Variants in MPDZ observed in about 807,000 individuals in gnomAD.
The protein encoded by MPDZ is multiple PDZ domain protein.
A neutral mutation model predicts 239.1 loss-of-function variants in MPDZ; 234 were observed. The ratio of observed to expected loss-of-function variants is 0.98; its 90% confidence interval spans 0.88 to 1.09. The LOEUF (loss-of-function observed/expected upper bound fraction) is 1.09. Ranked by LOEUF, MPDZ falls within the 50% of genes least tolerant of loss-of-function variation. The pLI is 0.00. For missense variants in MPDZ, 3,175 were observed against 2,510.0 expected, an observed-to-expected ratio of 1.26 and a Z score of -5.66; for synonymous variants, 1,048 against 881.3, an observed-to-expected ratio of 1.19 and a Z score of -3.35.
intron 6 of MPDZ, 150 bp from the exon 7 acceptor site, chr9:13,221,650 TA>T: frequency 4.1e-6 from 3 of 736,302 alleles, no homozygotes; most frequent in Non-Finnish European, 6.1e-6. Context: ...TTTCATTTGG[TA>T]TACTTCCCTT....
chr9:13,233,825 C>G (rs931330164), intron 3 of MPDZ, among the ~76,000 whole-genome samples: 1 of 152,108 alleles, frequency 6.6e-6, no homozygotes, highest in Non-Finnish European at 1.5e-5. Context: ...CAGACATTCA[C>G]CTTAAAATGA....
At chr9:13,192,412 C>G in intron 14 of MPDZ, 117 bp from the exon 15 acceptor site, 4 of 879,218 alleles carry the variant, frequency 4.5e-6, no homozygotes, top group South Asian at 1.9e-5. Context: ...GTTTACTGTG[C>G]TCAGAACTAT....
intron 45 of MPDZ, among the ~76,000 whole-genome samples, chr9:13,109,501 CCT>C (rs1390900121): frequency 5.3e-5 from 8 of 152,190 alleles, no homozygotes; most frequent in South Asian, 2.1e-4. Flanking sequence ...TTCTAATGCG[CCT>C]CTCTCTTCTC....
intron 7 of MPDZ, among the ~76,000 whole-genome samples, chr9:13,220,139 T>C (rs1192319317): frequency 6.6e-6 from 1 of 151,940 alleles, no homozygotes; most frequent in Non-Finnish European, 1.5e-5. Flanking sequence ...ACCATGCAAA[T>C]ATATATTACC....
At chr9:13,225,765 G>A (rs1252490873) in intron 3 of MPDZ, among the ~76,000 whole-genome samples, 3 of 151,988 alleles carry the variant, frequency 2.0e-5, no homozygotes, top group African/African-American at 7.3e-5. Flanking sequence ...ACCCTACGAT[G>A]TTTGCACAAG....
chr9:13,125,978 T>C (rs1563852521), intron 34 of MPDZ, among the ~76,000 whole-genome samples: 1 of 152,134 alleles, frequency 6.6e-6, no homozygotes, highest in Non-Finnish European at 1.5e-5. Context: ...TCTCTCACTA[T>C]AAGAAAGAAA....
intron 1 of MPDZ, among the ~76,000 whole-genome samples, chr9:13,262,247 G>C (rs1004382643): frequency 5.3e-5 from 8 of 151,820 alleles, no homozygotes; most frequent in African/African-American, 1.7e-4. Context: ...TGGATCGCTT[G>C]AGCCCAGTAG....
chr9:13,225,829 G>A lies in MPDZ; in HGVS notation c.184-1246C>T, dbSNP rs143104639. ...TACTCTATACATATTGTCACACATC[G>A]ATTCTGGGAGAGTTATACTTTCCCA... On this transcript the variant is annotated intron_variant, in intron 3 of 46. Coordinates refer to ENST00000319217, the MANE Select transcript of MPDZ (RefSeq NM_001378778.1). Among the ~76,000 whole-genome samples the A allele has an allele frequency of 1.5e-3, 221 of 152,032 alleles. 1 individual carries two copies. Among genetic ancestry groups the A allele is most frequent in the African/African-American group, 5.0e-3 (208 of 41,506 alleles).
Position 13,206,102 on chromosome 9 carries a change from G to A in MPDZ, c.1291-3C>T. Reference sequence around the variant, plus strand: ...CCCTGAAGGTTTGTGCCATCTACCTGTGATTAAAAAAAAAAAAAAGCATGT... The same window carrying A: ...CCCTGAAGGTTTGTGCCATCTACCTATGATTAAAAAAAAAAAAAAGCATGT... On this transcript the variant is annotated splice_region_variant and splice_polypyrimidine_tract_variant and intron_variant, in intron 10 of 46. Coordinates refer to ENST00000319217, the MANE Select transcript of MPDZ (RefSeq NM_001378778.1). 6.5e-7 allele frequency: 1 copy of A among 1,547,746 alleles called. No homozygotes were observed. The highest frequency in any genetic ancestry group is 2.2e-5 in the Admixed American group (1 of 46,382).
At chr9:13,178,177 T>C (rs1587549613) in intron 19 of MPDZ, among the ~76,000 whole-genome samples, 1 of 148,240 alleles carries the variant, frequency 6.7e-6, no homozygotes, top group South Asian at 2.1e-4. Flanking sequence ...GAGAATGGCG[T>C]GAATCCAGGA....
rs1381480214 is a variant in MPDZ, at chr9:13,186,374, C to T, written c.2377G>A (p.Glu793Lys). 8 of 1,574,230 alleles carry T rather than the reference C, an allele frequency of 5.1e-6. No homozygotes were observed. In the South Asian group the frequency reaches 9.3e-5, roughly 18 times the overall value. ...VAKPLPLSPE[E>K]GYVSAKEDSF... ...TCCTCCTTAGCAGAAACATAACCTT[C>T]TTCTGGTGAAAGCTGCAGGGAAAAA... Residue 793 changes from glutamate (E) to lysine (K), a missense_variant, in exon 18 of 47, where the codon GAA becomes AAA. Transcript: ENST00000319217.
At chr9:13,251,378 T>C (rs1564133977) in intron 1 of MPDZ, among the ~76,000 whole-genome samples, 2 of 152,148 alleles carry the variant, frequency 1.3e-5, no homozygotes, top group Non-Finnish European at 2.9e-5. Flanking sequence ...TCTCTAACAA[T>C]ACTTAACTAG....
At chr9:13,126,942 T>C (rs1020656501) in intron 32 of MPDZ, among the ~76,000 whole-genome samples, 170 bp from the exon 33 acceptor site, 1 of 152,230 alleles carries the variant, frequency 6.6e-6, no homozygotes, top group East Asian at 1.9e-4. Flanking sequence ...AAACAAACTT[T>C]CAAATTTTCC....
At chr9:13,192,345 AT>A in intron 14 of MPDZ, 50 bp from the exon 15 acceptor site, 1 of 1,475,568 alleles carries the variant, frequency 6.8e-7, no homozygotes, top group Non-Finnish European at 9.2e-7. Context: ...TAATATGAAC[AT>A]TCTTTTGAAC....
At chr9:13,241,219 T>C (rs558151394) in intron 3 of MPDZ, among the ~76,000 whole-genome samples, 1 of 152,178 alleles carries the variant, frequency 6.6e-6, no homozygotes, top group African/African-American at 2.4e-5. Flanking sequence ...GAACCACTCA[T>C]TCTCTTTTAA....
chr9:13,219,505 G>C, intron 8 of MPDZ, 54 bp downstream of exon 8: 1 of 1,477,806 alleles, frequency 6.8e-7, no homozygotes, highest in Non-Finnish European at 9.3e-7. Flanking sequence ...CATCACTGTC[G>C]TCATCTAAGT....
chr9:13,119,721 A>G, intron 38 of MPDZ, 72 bp from the exon 39 acceptor site: 1 of 1,585,840 alleles, frequency 6.3e-7, no homozygotes. Flanking sequence ...ATAAAAAGTT[A>G]CGTTTTTACC....
rs989218401 is a variant in MPDZ at position 13,110,846 on chromosome 9, A to G, written c.5725-106T>C. The G allele has an allele frequency of 1.1e-5, 7 of 645,132 alleles. No individual in the cohort carries two copies. In the Admixed American group the frequency reaches 2.2e-4, roughly 20 times the overall value. The allele number at this position is 645,132 out of a possible 1,614,324, so 40.0% of individuals were successfully genotyped here. On this transcript the variant is annotated intron_variant, in intron 43 of 46. Transcript: ENST00000319217. ...TCTCCACCTTCCACATGACATATAT[A>G]CTGCTACCAGCCACTGAAATATAAC...
Position 13,247,493 on chromosome 9 carries a change from T to G in MPDZ, c.183+142A>C, listed in dbSNP as rs1039164752. ...CTAGGAGGAAAAAAGCCACAGTGAA[T>G]CTGAATGTCTCATTTGGAGGTTTAA... is the stretch of plus-strand genomic sequence containing the variant. On this transcript the variant is annotated intron_variant, in intron 3 of 46. Coordinates refer to ENST00000319217, the MANE Select transcript of MPDZ (RefSeq NM_001378778.1). The G allele has an allele frequency of 3.6e-6, 3 of 832,096 alleles. No homozygotes were observed. The African/African-American group carries it at 5.1e-5, about 14-fold the overall frequency. The allele number at this position is 832,096 out of a possible 1,614,324, so 51.5% of individuals were successfully genotyped here. A position where few individuals can be genotyped will look rare whatever the true frequency, so the allele number is the denominator to read the frequency against.
Sources: gnomAD v4.1 joint callset for allele counts (sites outside exome capture counted in the v4.1 genomes callset) on GRCh38, gnomAD v4.1.1 for gene constraint, MANE v1.5 for transcripts, NCBI Gene and HGNC (gene_info 2026-07-23, HGNC 2026-07-21) for gene names.